The following SPPL2B variants were observed in gnomAD, a reference collection of about 807,000 sequenced individuals.
SPPL2B encodes the protein signal peptide peptidase like 2B, also known as signal peptide peptidase-like 2B.
Under a neutral mutation model 59.7 loss-of-function variants are expected in SPPL2B, and 39 were observed. The ratio of observed to expected loss-of-function variants is 0.65; its 90% CI spans 0.51 to 0.85. SPPL2B has a LOEUF of 0.85. Ranked by LOEUF, SPPL2B falls within the 40% of genes least tolerant of loss-of-function variation. The pLI is 0.00. For missense variants in SPPL2B, 865 were observed against 849.0 expected (o/e 1.02, Z -0.23); for synonymous variants, 419 against 370.8 (o/e 1.13, Z -1.49).
chr19:2,344,791 G>A lies in SPPL2B; in HGVS notation c.1276+139G>A, dbSNP rs969270434. ...GAGGGTCAGAGTCGGGCAGGTTGGG[G>A]CCGTTGAGGCCTGGGTGCCTGGGCA... is the stretch of plus-strand genomic sequence containing the variant. On this transcript the variant is annotated intron_variant, in intron 12 of 14. Transcript: ENST00000613503. 7.5e-6 allele frequency: 5 copies of A among 664,008 alleles called. No homozygotes were observed. The South Asian group carries it at 8.6e-5, about 11-fold the overall frequency. The allele number at this position is 664,008 out of a possible 1,614,324, so 41.1% of individuals were successfully genotyped here.
chr19:2,341,150 C>T, intron 8 of SPPL2B, 136 bp downstream of exon 8: 1 of 727,098 alleles, frequency 1.4e-6, no homozygotes, highest in Non-Finnish European at 2.5e-6. Context: ...GATGAAGAGC[C>T]CTGGCCCCGG....
chr19:2,339,288 G>A, intron 5 of SPPL2B, 80 bp downstream of exon 5: 1 of 1,498,896 alleles, frequency 6.7e-7, no homozygotes. Flanking sequence ...TTCCAGAACA[G>A]CAGTGAGTGC....
At chr19:2,336,893 C>T (rs912114230) in intron 2 of SPPL2B, among the ~76,000 whole-genome samples, 3 of 132,620 alleles carry the variant, frequency 2.3e-5, no homozygotes, top group African/African-American at 8.7e-5. Flanking sequence ...ACTGGTCTGG[C>T]TGTGGGTGTG....
chr19:2,340,318 C>T, intron 7 of SPPL2B, 146 bp downstream of exon 7: 1 of 699,012 alleles, frequency 1.4e-6, no homozygotes, highest in Non-Finnish European at 2.3e-6. Context: ...GCTCCTAGGC[C>T]CAGGAGCAGG....
intron 8 of SPPL2B, 86 bp from the exon 9 acceptor site, chr19:2,343,125 C>A: frequency 2.8e-6 from 3 of 1,078,714 alleles, no homozygotes; most frequent in East Asian, 2.6e-5. Context: ...TGGCTGAGAG[C>A]AAGGGCCCTG....
chr19:2,350,310 T>C lies in SPPL2B; in HGVS notation c.1355-1124T>C, dbSNP rs531993082. ...ACACACTCACGCGCTGTCATTCGCT[T>C]GACTCCGTTCTCTCTCCACACACAC... On this transcript the variant is annotated intron_variant, in intron 13 of 14. Transcript: ENST00000613503. 2.6e-5 allele frequency among the ~76,000 whole-genome samples: 3 copies of C among 114,406 alleles called. No homozygotes were observed. In the East Asian group the frequency reaches 6.5e-4, roughly 25 times the overall value. 75.1% of individuals were successfully genotyped at this position (114,406 alleles called of 152,430 possible).
chr19:2,335,748 G>A (rs1158638852), intron 2 of SPPL2B, among the ~76,000 whole-genome samples: 1 of 150,698 alleles, frequency 6.6e-6, no homozygotes, highest in Non-Finnish European at 1.5e-5. Flanking sequence ...CTTTCCCACT[G>A]AGTCCCTCAG....
chr19:2,352,292 A>G (rs1045165453), intron 14 of SPPL2B, among the ~76,000 whole-genome samples: 1 of 152,066 alleles, frequency 6.6e-6, no homozygotes, highest in Non-Finnish European at 1.5e-5. Context: ...CTTGGAGTCC[A>G]TGACCGCCCA....
intron 1 of SPPL2B, among the ~76,000 whole-genome samples, chr19:2,330,080 A>G (rs1393119613): frequency 6.6e-6 from 1 of 151,520 alleles, no homozygotes; most frequent in Non-Finnish European, 1.5e-5. Context: ...AGAGGGACTC[A>G]GTTTGCCTGG....
At chr19:2,343,369 C>T (rs1450676544) in intron 9 of SPPL2B, 77 bp downstream of exon 9, 3 of 1,241,460 alleles carry the variant, frequency 2.4e-6, no homozygotes, top group East Asian at 5.1e-5. Context: ...CCGTGTGGGG[C>T]TGTGGTCCTT....
At position 2,351,604 on chromosome 19, in the gene SPPL2B, A is replaced by G. The variant is rs770841588; in HGVS notation, c.1515+10A>G. On this transcript the variant is annotated intron_variant, in intron 14 of 14. Transcript: ENST00000613503. The stretch of plus-strand genomic sequence containing the variant: ...GGGCAGCGGCTTTGCGGTGAATACC[A>G]GTTTGCTCTGACTGTGAGAAATACT... The G allele has an allele frequency of 1.4e-5, 22 of 1,600,828 alleles. 1 individual carries two copies. The highest frequency in any genetic ancestry group is 1.7e-4 in the Middle Eastern group (1 of 6,020).
intron 8 of SPPL2B, chr19:2,341,466 C>T (rs1263954195): frequency 6.7e-6 from 3 of 446,772 alleles, no homozygotes; most frequent in Middle Eastern, 3.3e-4. Context: ...GCAGGCACTG[C>T]TCCCCCCACG....
intron 2 of SPPL2B, among the ~76,000 whole-genome samples, chr19:2,336,243 G>A (rs1293475363): frequency 6.6e-6 from 1 of 151,868 alleles, no homozygotes; most frequent in Non-Finnish European, 1.5e-5. Flanking sequence ...CTGTGAGTGT[G>A]CATGCAATAG....
At chr19:2,337,319 C>A in intron 2 of SPPL2B, 124 bp from the exon 3 acceptor site, 2 of 929,414 alleles carry the variant, frequency 2.2e-6, no homozygotes, top group East Asian at 2.7e-5. Context: ...GGGCCGAGGC[C>A]GTGCGGGGCT....
At chr19:2,350,054 C>CT (rs1969813770) in intron 13 of SPPL2B, among the ~76,000 whole-genome samples, 1 of 150,552 alleles carries the variant, frequency 6.6e-6, no homozygotes, top group Non-Finnish European at 1.5e-5. Context: ...TCCGTTCTCT[C>CT]TCTCCACACA....
chr19:2,345,211 C>G (rs1452613110), intron 12 of SPPL2B, 42 bp from the exon 13 acceptor site: 2 of 1,579,796 alleles, frequency 1.3e-6, no homozygotes, highest in Middle Eastern at 1.7e-4. Flanking sequence ...TGCTCTGAGG[C>G]TCTGCGGGCC....
At chr19:2,336,792 G>GGTGT (rs3044122) in intron 2 of SPPL2B, among the ~76,000 whole-genome samples, 15 of 147,982 alleles carry the variant, frequency 1.0e-4, no homozygotes, top group Admixed American at 1.4e-4. Context: ...CCTGGCTGTG[G>GGTGT]GTGTGTGTGT....
intron 5 of SPPL2B, 135 bp from the exon 6 acceptor site, chr19:2,339,689 C>T: frequency 1.9e-6 from 2 of 1,039,824 alleles, no homozygotes; most frequent in South Asian, 1.5e-5. Flanking sequence ...GGGGCGGTTC[C>T]TTGCACTTCA....
intron 11 of SPPL2B, 27 bp from the exon 12 acceptor site, chr19:2,344,526 G>A: frequency 6.2e-7 from 1 of 1,600,054 alleles, no homozygotes; most frequent in Non-Finnish European, 8.6e-7. Flanking sequence ...GGTCCTGGAG[G>A]ACATTGTCCT....
Sources: allele counts gnomAD v4.1 joint callset (sites outside exome capture counted in the v4.1 genomes callset), GRCh38; gene constraint gnomAD v4.1.1; transcripts MANE v1.5; gene names NCBI Gene and HGNC (gene_info 2026-07-23, HGNC 2026-07-21).